The following ZFPM2 variants were observed in gnomAD, a reference collection of about 807,000 sequenced individuals.
ZFPM2 encodes zinc finger protein ZFPM2.
A neutral mutation model predicts 98.6 loss-of-function variants in ZFPM2; 20 were observed. The observed-to-expected ratio is 0.20, with a 90% CI of 0.14 to 0.29. ZFPM2 has a LOEUF of 0.29. Ranked by LOEUF, ZFPM2 falls within the 10% of genes least tolerant of loss-of-function variation. ZFPM2 has a pLI of 1.00. For missense variants in ZFPM2, 1,310 were observed against 1,388.6 expected, an observed-to-expected ratio of 0.94 and a Z score of 0.90; for synonymous variants, 518 against 502.7, an observed-to-expected ratio of 1.03 and a Z score of -0.41.
chr8:105,373,666 A>T (rs1193726132), intron 1 of ZFPM2, among the ~76,000 whole-genome samples: 1 of 152,224 alleles, frequency 6.6e-6, no homozygotes, highest in Non-Finnish European at 1.5e-5. Flanking sequence ...CTAACTGCAT[A>T]TTCAAGCCAG....
At chr8:105,405,431 TC>T (rs566007251) in intron 1 of ZFPM2, among the ~76,000 whole-genome samples, 2 of 73,330 alleles carry the variant, frequency 2.7e-5, no homozygotes, top group African/African-American at 5.3e-5. Flanking sequence ...CCCTCCCCCC[TC>T]CCCCACCCCA....
intron 3 of ZFPM2, among the ~76,000 whole-genome samples, chr8:105,488,847 C>T (rs894496891): frequency 6.6e-6 from 1 of 152,172 alleles, no homozygotes; most frequent in African/African-American, 2.4e-5. Flanking sequence ...AACCAGGCCT[C>T]TCAGATCTCT....
intron 2 of ZFPM2, among the ~76,000 whole-genome samples, chr8:105,429,641 TACCAAA>T (rs1811981312): frequency 6.9e-6 from 1 of 144,798 alleles, no homozygotes; most frequent in African/African-American, 2.6e-5. Context: ...CTAAAGGGAA[TACCAAA>T]ATACAATAAC....
chr8:105,418,562 C>T lies in ZFPM2; in HGVS notation c.41-582C>T, dbSNP rs748402073. Reference sequence around the variant, plus strand: ...ACCACTTTTCATTTCAGAAAAAATTCAATTAATTATGAATAGGGTTATGCT... The same window carrying T: ...ACCACTTTTCATTTCAGAAAAAATTTAATTAATTATGAATAGGGTTATGCT... On this transcript the variant is annotated intron_variant, in intron 1 of 7. Transcript: ENST00000407775. The T allele has an allele frequency of 7.2e-5, 37 of 515,704 alleles. 1 individual carries two copies. The Admixed American group carries it at 7.3e-4, about 10-fold the overall frequency. The allele number at this position is 515,704 out of a possible 1,614,324, so 31.9% of individuals were successfully genotyped here.
intron 1 of ZFPM2, among the ~76,000 whole-genome samples, chr8:105,413,532 A>G (rs1158627071): frequency 6.7e-6 from 1 of 149,852 alleles, no homozygotes; most frequent in African/African-American, 2.4e-5. Flanking sequence ...ACATATATAT[A>G]TATCTCGTGT....
At chr8:105,513,595 C>G (rs1419128291) in intron 3 of ZFPM2, among the ~76,000 whole-genome samples, 1 of 152,204 alleles carries the variant, frequency 6.6e-6, no homozygotes, top group African/African-American at 2.4e-5. Context: ...CAGAATCCCT[C>G]TTTACTTTGT....
intron 3 of ZFPM2, among the ~76,000 whole-genome samples, chr8:105,533,239 A>G (rs1470862349): frequency 2.0e-5 from 3 of 152,156 alleles, no homozygotes; most frequent in Admixed American, 1.3e-4. Context: ...TCTCATAAAC[A>G]TATTTCAAAT....
chr8:105,514,826 G>A (rs1380917305), intron 3 of ZFPM2, among the ~76,000 whole-genome samples: 1 of 152,122 alleles, frequency 6.6e-6, no homozygotes, highest in African/African-American at 2.4e-5. Flanking sequence ...TAGACTCAAA[G>A]CTTTTTTTGG....
chr8:105,684,726 C>T (rs1352092074), intron 5 of ZFPM2, among the ~76,000 whole-genome samples: 1 of 152,018 alleles, frequency 6.6e-6, no homozygotes, highest in Non-Finnish European at 1.5e-5. Flanking sequence ...CTTACTAACT[C>T]TTCTCAACTA....
rs1466553214 is a variant in ZFPM2, at chr8:105,587,406, G to A, written c.420+25925G>A. Among the ~76,000 whole-genome samples the A allele has an allele frequency of 5.9e-5, 9 of 151,732 alleles. No homozygotes were observed. In the East Asian group the frequency reaches 1.6e-3, roughly 26 times the overall value. On this transcript the variant is annotated intron_variant, in intron 4 of 7. Transcript: ENST00000407775. ...AACGACTGCTTCTGGTATAAGCAAC[G>A]AACTACCCTTTATTTCTAATTTAAA...
intron 1 of ZFPM2, among the ~76,000 whole-genome samples, chr8:105,396,687 T>C (rs529749086): frequency 2.4e-4 from 36 of 152,314 alleles, no homozygotes; most frequent in African/African-American, 7.5e-4. Flanking sequence ...ACTTTTTATG[T>C]TGCATTTCAA....
chr8:105,425,877 G>A (rs904827587), intron 2 of ZFPM2, among the ~76,000 whole-genome samples: 3 of 152,232 alleles, frequency 2.0e-5, no homozygotes, highest in Admixed American at 6.5e-5. Context: ...TGCAGTTTTG[G>A]CTGTGGGAGT....
chr8:105,726,214 A>G (rs1448237979), intron 5 of ZFPM2, among the ~76,000 whole-genome samples: 4 of 151,474 alleles, frequency 2.6e-5, no homozygotes, highest in Admixed American at 2.6e-4. Flanking sequence ...TGAGTATTTT[A>G]ATAAGAATTA....
intron 1 of ZFPM2, among the ~76,000 whole-genome samples, chr8:105,361,576 A>C (rs1056971665): frequency 7.2e-5 from 11 of 152,150 alleles, no homozygotes; most frequent in African/African-American, 2.7e-4. Flanking sequence ...TATATGTGCT[A>C]GTTATTTATT....
At chr8:105,486,284 A>G (rs1355635607) in intron 3 of ZFPM2, among the ~76,000 whole-genome samples, 1 of 152,094 alleles carries the variant, frequency 6.6e-6, no homozygotes, top group Admixed American at 6.6e-5. Context: ...TAATATATGT[A>G]TTATGAATGA....
chr8:105,356,981 T>G (rs1812759919), intron 1 of ZFPM2, among the ~76,000 whole-genome samples: 1 of 152,160 alleles, frequency 6.6e-6, no homozygotes, highest in South Asian at 2.1e-4. Context: ...TATTACCTAC[T>G]TTATCAAGTC....
chr8:105,759,580 T>TTG (rs5893760), intron 5 of ZFPM2, among the ~76,000 whole-genome samples: 22,131 of 146,848 alleles, frequency 0.15, 1,665 homozygotes, highest in East Asian at 0.29. Context: ...TTGATAATCC[T>TTG]TGTGTGTGTG....
intron 1 of ZFPM2, among the ~76,000 whole-genome samples, chr8:105,330,645 TA>T (rs1683391798): frequency 7.8e-6 from 1 of 128,160 alleles, no homozygotes; most frequent in Non-Finnish European, 1.6e-5. Flanking sequence ...TATATATATA[TA>T]TATTTTTCAG....
chr8:105,464,948 C>CAAAAAA (rs1812771206), intron 3 of ZFPM2, among the ~76,000 whole-genome samples: 1 of 135,396 alleles, frequency 7.4e-6, no homozygotes, highest in African/African-American at 3.0e-5. Flanking sequence ...TTTGAAAATG[C>CAAAAAA]TAAAAAAAAA....
Sources: allele counts gnomAD v4.1 joint callset (sites outside exome capture counted in the v4.1 genomes callset), GRCh38; gene constraint gnomAD v4.1.1; transcripts MANE v1.5; gene names NCBI Gene and HGNC (gene_info 2026-07-23, HGNC 2026-07-21).